Variants in PRXL2C observed in about 807,000 individuals in gnomAD.
The protein encoded by PRXL2C is peroxiredoxin like 2C.
Under a neutral mutation model 24.9 loss-of-function variants are expected in PRXL2C, and 38 were observed. The ratio of observed to expected loss-of-function variants is 1.53; its 90% CI spans 1.18 to 2.00. The LOEUF is 2.00. Ranked by LOEUF, PRXL2C falls within the 30% of genes most tolerant of loss-of-function variation. PRXL2C has a pLI of 0.00. For missense variants in PRXL2C, 294 were observed against 290.9 expected (o/e 1.01, Z -0.08); for synonymous variants, 98 against 117.2 (o/e 0.84, Z 1.06).
intron 5 of PRXL2C, among the ~76,000 whole-genome samples, chr9:96,642,539 C>A (rs1031419517): frequency 6.7e-6 from 1 of 150,102 alleles, no homozygotes; most frequent in South Asian, 2.1e-4. Flanking sequence ...GTATGAGGCA[C>A]GTTTTCATTT....
At chr9:96,645,762 A>T (rs1274377995) in intron 5 of PRXL2C, 131 bp downstream of exon 5, 5 of 1,044,792 alleles carry the variant, frequency 4.8e-6, no homozygotes, top group Non-Finnish European at 5.4e-6. Context: ...GCGCCACTGC[A>T]CTCCAGCCTT....
intron 5 of PRXL2C, among the ~76,000 whole-genome samples, chr9:96,644,876 GGATTCTTTTTTTTTTTTTTTT>G (rs1848169826): frequency 8.8e-6 from 1 of 113,676 alleles, no homozygotes; most frequent in African/African-American, 3.0e-5. Context: ...ATAACTACAT[GGATTCTTTTTTTTTTTTTTTT>G]TTTTTTTTTT....
intron 4 of PRXL2C, among the ~76,000 whole-genome samples, chr9:96,648,998 C>G (rs1441258154): frequency 1.3e-5 from 2 of 152,004 alleles, no homozygotes; most frequent in Non-Finnish European, 2.9e-5. Flanking sequence ...GTCATGAACT[C>G]CTGACTTCAG....
At chr9:96,654,487 A>G (rs1274727814) in intron 2 of PRXL2C, among the ~76,000 whole-genome samples, 1 of 152,236 alleles carries the variant, frequency 6.6e-6, no homozygotes. Context: ...ACCAGGCAAC[A>G]CCACAATTGT....
chr9:96,646,146 A>G (rs1018087071), intron 4 of PRXL2C, 122 bp from the exon 5 acceptor site: 1 of 1,146,452 alleles, frequency 8.7e-7, no homozygotes, highest in Non-Finnish European at 1.2e-6. Context: ...ATCTTTTACC[A>G]TCAACATTTT....
intron 4 of PRXL2C, among the ~76,000 whole-genome samples, chr9:96,649,083 A>G (rs1336224622): frequency 1.3e-5 from 2 of 151,990 alleles, no homozygotes; most frequent in African/African-American, 4.8e-5. Flanking sequence ...CTAAAGTGCT[A>G]AATAATTAAA....
At position 96,653,087 on chromosome 9, in the gene PRXL2C, G is replaced by A. The variant is rs542698903; in HGVS notation, c.262-1375C>T. ...TAAAAATACAAAAAATTAGCCGGGC[G>A]TGGTGGCGGGCGCCTGTTAGTCCCA... On this transcript the variant is annotated intron_variant, in intron 2 of 5. Transcript: ENST00000375234. 3.3e-5 allele frequency among the ~76,000 whole-genome samples: 5 copies of A among 152,192 alleles called. No individual in the cohort carries two copies. In the South Asian group the frequency reaches 8.3e-4, roughly 25 times the overall value.
At position 96,641,870 on chromosome 9, in the gene PRXL2C, A is replaced by G; in HGVS notation, c.570T>C (p.Phe190=). 6.6e-7 allele frequency: 1 copy of G among 1,504,770 alleles called. No homozygotes were observed. Among genetic ancestry groups the G allele is most frequent in the Non-Finnish European group, 9.0e-7 (1 of 1,107,778 alleles). 93.2% of individuals were successfully genotyped at this position (1,504,770 alleles called of 1,614,324 possible). ...LILGPGNNIH[F]IHRDRNRLDH... ...CCAACCTATTCCTATCGCGGTGTAT[A>G]AAATGGATGTTGTTACCTAGAAGAG... Residue 190 remains phenylalanine (F), a synonymous_variant, in exon 6 of 6, where the codon TTT becomes TTC. Transcript: ENST00000375234.
At chr9:96,654,656 G>C (rs1396678263) in intron 2 of PRXL2C, 49 bp downstream of exon 2, 4 of 1,519,896 alleles carry the variant, frequency 2.6e-6, no homozygotes, top group Non-Finnish European at 1.8e-6. Context: ...CGCCCCGCTC[G>C]CAAGGTCTGC....
rs1443864160 is a variant in PRXL2C at position 96,651,679 on chromosome 9, A to T, written c.295T>A (p.Ser99Thr). The stretch of plus-strand genomic sequence containing the variant: ...TTTACCTCAATATGATGGTAGGATG[A>T]CTGTCCAATCACTATAAGGGTGACA... ...ANVTLIVIGQSSYHHIEPFCK... is the reference protein window; with the variant it reads ...ANVTLIVIGQTSYHHIEPFCK... Residue 99 changes from serine to threonine, a missense_variant, in exon 3 of 6, where the codon TCA (serine) becomes ACA (threonine). By Grantham distance (58) the Ser-to-Thr change is moderately conservative. Transcript: ENST00000375234. The T allele has an allele frequency of 1.2e-6, 2 of 1,610,748 alleles. No homozygotes were observed. Among genetic ancestry groups the T allele is most frequent in the Non-Finnish European group, 1.7e-6 (2 of 1,177,936 alleles).
At position 96,641,696 on chromosome 9, in the gene PRXL2C, C is replaced by T. The variant is rs181375725; in HGVS notation, c.*63G>A. 3.8e-4 allele frequency: 561 copies of T among 1,467,052 alleles called. 1 individual carries two copies. Among genetic ancestry groups the T allele is most frequent in the Middle Eastern group, 2.9e-3 (12 of 4,074 alleles). The allele number at this position is 1,467,052 out of a possible 1,614,324, so 90.9% of individuals were successfully genotyped here. ...GGTTAGACACTGCACGAGGATATTA[C>T]ACCCAGGCATTGAAGGTCACATTCC... On this transcript the variant is annotated 3_prime_UTR_variant, in exon 6 of 6. Transcript: ENST00000375234.
In PRXL2C at chr9:96,646,097, GA is replaced by G. The variant is rs899385447; in HGVS notation, c.422-74del. On this transcript the variant is annotated intron_variant, in intron 4 of 5. Transcript: ENST00000375234. ...ATATTAAGAAGATAATGTATTTCTA[GA>G]AAACATTCTCTTTCTTCCTTTAAAG... 6 of 1,425,838 alleles carry G rather than the reference GA, an allele frequency of 4.2e-6. No homozygotes were observed. In the African/African-American group the frequency reaches 7.3e-5, roughly 17 times the overall value. 88.3% of individuals were successfully genotyped at this position (1,425,838 alleles called of 1,614,324 possible).
intron 2 of PRXL2C, among the ~76,000 whole-genome samples, chr9:96,653,609 A>G (rs1291084191): frequency 6.6e-6 from 1 of 152,196 alleles, no homozygotes. Flanking sequence ...AACTAAAATC[A>G]CTATCTGACA....
chr9:96,654,584 G>T, intron 2 of PRXL2C, 121 bp downstream of exon 2: 2 of 836,272 alleles, frequency 2.4e-6, no homozygotes, highest in Non-Finnish European at 3.8e-6. Context: ...GGCGAGGGTG[G>T]AGAGAGCTGC....
chr9:96,653,959 G>A (rs1233059671), intron 2 of PRXL2C, among the ~76,000 whole-genome samples: 1 of 151,952 alleles, frequency 6.6e-6, no homozygotes, highest in East Asian at 1.9e-4. Context: ...TCCTGCCTCA[G>A]CCTCCCGAGT....
In PRXL2C at chr9:96,654,574, G is replaced by C. The variant is rs562027609; in HGVS notation, c.261+131C>G. On this transcript the variant is annotated intron_variant, in intron 2 of 5. Coordinates refer to ENST00000375234, the MANE Select transcript of PRXL2C (RefSeq NM_153698.2). ...TCTGACGTCTCACTCCTTTTGGAGG[G>C]GCGAGGGTGGAGAGAGCTGCGGGGA... 7 of 755,730 alleles carry C rather than the reference G, an allele frequency of 9.3e-6. No individual in the cohort carries two copies. The Admixed American group carries it at 1.2e-4, about 13-fold the overall frequency. 46.8% of individuals were successfully genotyped at this position (755,730 alleles called of 1,614,324 possible).
chr9:96,645,833 G>A (rs1037955561), intron 5 of PRXL2C, 60 bp downstream of exon 5: 1 of 1,487,740 alleles, frequency 6.7e-7, no homozygotes, highest in East Asian at 2.5e-5. Context: ...GAAAATGGCG[G>A]CCTCTGAACT....
rs1323069848 is a variant in PRXL2C, at chr9:96,655,119, C to G, written c.163G>C (p.Glu55Gln). The G allele has an allele frequency of 7.1e-7, 1 of 1,408,530 alleles. No individual in the cohort carries two copies. The highest frequency in any genetic ancestry group is 2.6e-4 in the Middle Eastern group (1 of 3,906). 87.3% of individuals were successfully genotyped at this position (1,408,530 alleles called of 1,614,324 possible). A position where few individuals can be genotyped will look rare whatever the true frequency, so the allele number is the denominator to read the frequency against. Reference protein sequence around the residue: ...QRVPFGALFRERRAVVVFVRH... With the variant: ...QRVPFGALFRQRRAVVVFVRH... The stretch of plus-strand genomic sequence containing the variant: ...ACGAACACCACCACGGCGCGGCGCT[C>G]CCGGAACAGCGCGCCGAACGGTACC... The change falls in exon 1 of 6, where the codon GAG (glutamate) becomes CAG (glutamine). Residue 55 changes from glutamate to glutamine, a missense_variant. Transcript: ENST00000375234.
intron 4 of PRXL2C, among the ~76,000 whole-genome samples, 164 bp downstream of exon 4, chr9:96,651,226 C>T (rs1359467622): frequency 3.3e-5 from 5 of 151,694 alleles, no homozygotes; most frequent in East Asian, 1.9e-4. Context: ...TGCAGTGAGC[C>T]GAGATCACAC....
Sources: allele counts gnomAD v4.1 joint callset (sites outside exome capture counted in the v4.1 genomes callset), GRCh38; gene constraint gnomAD v4.1.1; transcripts MANE v1.5; gene names NCBI Gene and HGNC (gene_info 2026-07-23, HGNC 2026-07-21).